Variants in EDAR observed in about 807,000 individuals in gnomAD.
EDAR encodes ectodysplasin A receptor.
Under a neutral mutation model 51.3 loss-of-function variants are expected in EDAR, and 38 were observed. The ratio of observed to expected loss-of-function variants is 0.74; its 90% confidence interval spans 0.57 to 0.97. EDAR has a LOEUF of 0.97. EDAR is among the 50% of genes least tolerant of loss of function. The pLI, the probability that EDAR is intolerant of heterozygous loss-of-function variation, is 0.00. For synonymous variants in EDAR, 227 were observed against 242.1 expected (o/e 0.94, Z 0.58); for missense variants, 528 against 595.0 (o/e 0.89, Z 1.17).
intron 11 of EDAR, among the ~76,000 whole-genome samples, chr2:108,899,753 A>G (rs909476910): frequency 1.3e-5 from 2 of 152,210 alleles, no homozygotes; most frequent in Non-Finnish European, 2.9e-5. Flanking sequence ...CGGGAGGCCA[A>G]GGTGGGCAGA....
chr2:108,935,276 A>T (rs1318047141), intron 1 of EDAR, among the ~76,000 whole-genome samples: 1 of 152,126 alleles, frequency 6.6e-6, no homozygotes, highest in Non-Finnish European at 1.5e-5. Flanking sequence ...CTCAGACCCC[A>T]GCCAGGCACT....
chr2:108,901,036 C>T (rs973312252), intron 11 of EDAR, among the ~76,000 whole-genome samples: 20 of 152,148 alleles, frequency 1.3e-4, no homozygotes, highest in African/African-American at 3.4e-4. Context: ...TCAACCAACA[C>T]GATCTAATCA....
intron 11 of EDAR, among the ~76,000 whole-genome samples, chr2:108,897,638 G>A (rs910889178): frequency 1.3e-5 from 2 of 152,212 alleles, no homozygotes; most frequent in Non-Finnish European, 2.9e-5. Context: ...GGGAACAGTA[G>A]TCAACTTTGT....
At chr2:108,960,140 C>T (rs1027511688) in intron 1 of EDAR, among the ~76,000 whole-genome samples, 4 of 152,124 alleles carry the variant, frequency 2.6e-5, no homozygotes, top group African/African-American at 7.2e-5. Flanking sequence ...CTAAGAGGAG[C>T]GGGGTGGGGA....
At chr2:108,950,989 A>G (rs260699) in intron 1 of EDAR, among the ~76,000 whole-genome samples, 53,242 of 152,162 alleles carry the variant, frequency 0.35, 15,195 homozygotes, top group East Asian at 0.95. Context: ...TTTGTCTGCC[A>G]TCCATTGTCC....
At chr2:108,947,098 G>A (rs1335781857) in intron 1 of EDAR, among the ~76,000 whole-genome samples, 1 of 152,184 alleles carries the variant, frequency 6.6e-6, no homozygotes, top group Non-Finnish European at 1.5e-5. Context: ...TTCCAAATGG[G>A]AAAAATTGGC....
intron 1 of EDAR, among the ~76,000 whole-genome samples, chr2:108,940,681 C>T (rs1038615983): frequency 2.6e-5 from 4 of 152,214 alleles, no homozygotes; most frequent in Non-Finnish European, 4.4e-5. Flanking sequence ...AAAGACCAAG[C>T]GCAATTACAA....
intron 11 of EDAR, among the ~76,000 whole-genome samples, chr2:108,901,816 ATATC>A (rs1377767986): frequency 6.6e-6 from 1 of 152,256 alleles, no homozygotes; most frequent in Non-Finnish European, 1.5e-5. Flanking sequence ...AACTGTAAAA[ATATC>A]TAGCCAAACG....
chr2:108,896,857 C>T lies in EDAR; in HGVS notation c.*50G>A, dbSNP rs1270414987. 6.4e-7 allele frequency: 1 copy of T among 1,568,100 alleles called. No homozygotes were observed. Among genetic ancestry groups the T allele is most frequent in the African/African-American group, 1.4e-5 (1 of 73,966 alleles). ...TGGCACCACTCACAGCTCCAGAGCC[C>T]TCGTTGGCTCCTTGGCTTGTCCTGG... On this transcript the variant is annotated 3_prime_UTR_variant, in exon 12 of 12. Transcript: ENST00000258443.
At chr2:108,939,138 A>G (rs1462307074) in intron 1 of EDAR, among the ~76,000 whole-genome samples, 2 of 151,750 alleles carry the variant, frequency 1.3e-5, no homozygotes, top group African/African-American at 4.8e-5. Context: ...GATAGGAGCC[A>G]CTCTTCAGCA....
intron 8 of EDAR, 55 bp from the exon 9 acceptor site, chr2:108,910,587 T>C: frequency 6.7e-7 from 1 of 1,503,580 alleles, no homozygotes; most frequent in Non-Finnish European, 9.2e-7. Context: ...CTCATGGCTC[T>C]GCGCTCAGCC....
Position 108,988,652 on chromosome 2 carries a change from T to C in EDAR, c.-19+308A>G, listed in dbSNP as rs139271472. ...TGAGAAACATACTTTTCACGCTCCCTGGAGGAACCCGTTGCTTCAGTAGCC... is the reference window on the plus strand; with the variant it reads ...TGAGAAACATACTTTTCACGCTCCCCGGAGGAACCCGTTGCTTCAGTAGCC... On this transcript the variant is annotated intron_variant, in intron 1 of 11. Transcript: ENST00000258443. Among the ~76,000 whole-genome samples, 439 of 152,286 alleles carry C rather than the reference T, an allele frequency of 2.9e-3. 2 individuals carry two copies. Among genetic ancestry groups the C allele is most frequent in the Non-Finnish European group, 4.8e-3 (328 of 68,022 alleles).
intron 1 of EDAR, among the ~76,000 whole-genome samples, chr2:108,935,582 G>C (rs1395942702): frequency 6.6e-6 from 1 of 152,096 alleles, no homozygotes; most frequent in African/African-American, 2.4e-5. Flanking sequence ...GCCTTGGCTG[G>C]GTCTCTCCCT....
At position 108,930,137 on chromosome 2, in the gene EDAR, C is replaced by T; in HGVS notation, c.157G>A (p.Gly53Arg). Residue 53 changes from glycine to arginine, a missense_variant, in exon 3 of 12, where the codon GGA (glycine) becomes AGA (arginine). Physicochemically the swap from Gly to Arg is moderately radical, Grantham distance 125 (BLOSUM62 -2). Coordinates refer to ENST00000258443, the MANE Select transcript of EDAR (RefSeq NM_022336.4). Reference sequence around the variant, plus strand: ...GTCCTTACCAGGTAGGGCTCCTCTCCCGGCCCACACGGGGGGCACTCCTGG... The same window carrying T: ...GTCCTTACCAGGTAGGGCTCCTCTCTCGGCCCACACGGGGGGCACTCCTGG... ...LCQECPPCGP[G>R]EEPYLSCGYG... is the part of the protein sequence containing the mutation. The T allele has an allele frequency of 6.2e-7, 1 of 1,613,876 alleles. No individual in the cohort carries two copies. Among genetic ancestry groups the T allele is most frequent in the Non-Finnish European group, 8.5e-7 (1 of 1,179,982 alleles).
At chr2:108,983,213 TATC>T (rs1425998049) in intron 1 of EDAR, among the ~76,000 whole-genome samples, 5 of 152,204 alleles carry the variant, frequency 3.3e-5, no homozygotes, top group Non-Finnish European at 5.9e-5. Context: ...CACTCTGATT[TATC>T]TTCTTCATTA....
chr2:108,981,077 C>T (rs17034736), intron 1 of EDAR, among the ~76,000 whole-genome samples: 3,869 of 152,248 alleles, frequency 0.025, 96 homozygotes, highest in African/African-American at 0.063. Context: ...GCTCACGGCC[C>T]GCTCTAAGCA....
intron 1 of EDAR, among the ~76,000 whole-genome samples, chr2:108,955,708 AAAAT>A (rs1397358650): frequency 1.3e-5 from 2 of 151,994 alleles, no homozygotes; most frequent in African/African-American, 4.8e-5. Context: ...TCTGTCTCAA[AAAAT>A]AAATAAATAC....
chr2:108,903,440 G>C (rs903695744), intron 11 of EDAR, among the ~76,000 whole-genome samples: 1 of 149,354 alleles, frequency 6.7e-6, no homozygotes, highest in African/African-American at 2.5e-5. Context: ...AAAGATTTTT[G>C]AAAAAAAAAT....
intron 1 of EDAR, among the ~76,000 whole-genome samples, chr2:108,945,840 T>A (rs1697704552): frequency 6.6e-6 from 1 of 152,198 alleles, no homozygotes; most frequent in African/African-American, 2.4e-5. Flanking sequence ...CCCACTTGTA[T>A]GAGGTCCCCA....
Sources: gnomAD v4.1 joint callset for allele counts (sites outside exome capture counted in the v4.1 genomes callset) on GRCh38, gnomAD v4.1.1 for gene constraint, MANE v1.5 for transcripts, NCBI Gene and HGNC (gene_info 2026-07-23, HGNC 2026-07-21) for gene names.